Variants in ABI2 observed in about 807,000 individuals in gnomAD.
ABI2 encodes abelson interactor 2.
Under a neutral mutation model 59.2 loss-of-function variants are expected in ABI2, and 25 were observed. That is an observed-to-expected ratio of 0.42 (90% CI 0.31 to 0.59). The LOEUF is 0.59. Among genes scored for constraint, ABI2 ranks in the 20% least tolerant of loss-of-function variants. The pLI, the probability that ABI2 is intolerant of heterozygous loss-of-function variation, is 0.14. For missense variants in ABI2, 545 were observed against 681.8 expected (o/e 0.80, Z 2.23); for synonymous variants, 213 against 235.5 (o/e 0.90, Z 0.87).
At chr2:203,394,650 TG>T (rs1387098488) in intron 5 of ABI2, 49 bp from the exon 6 acceptor site, 2 of 1,560,400 alleles carry the variant, frequency 1.3e-6, no homozygotes, top group African/African-American at 2.7e-5. Context: ...TTGAATTTAT[TG>T]TGCCGAAACT....
intron 1 of ABI2, among the ~76,000 whole-genome samples, chr2:203,336,234 G>A (rs1216902594): frequency 2.0e-5 from 3 of 152,156 alleles, no homozygotes; most frequent in Non-Finnish European, 4.4e-5. Flanking sequence ...TCTAGTTTTA[G>A]GCAGTGGTGA....
At chr2:203,372,502 C>T (rs1331599601) in intron 2 of ABI2, among the ~76,000 whole-genome samples, 28 of 151,450 alleles carry the variant, frequency 1.8e-4, no homozygotes, top group Admixed American at 1.2e-3. Flanking sequence ...CCAGTAGGGG[C>T]GGCCGGGCAG....
At chr2:203,336,627 G>A (rs980363122) in intron 1 of ABI2, among the ~76,000 whole-genome samples, 1 of 152,098 alleles carries the variant, frequency 6.6e-6, no homozygotes, top group African/African-American at 2.4e-5. Flanking sequence ...TGGCTCCTCC[G>A]CAACAGAGTG....
intron 11 of ABI2, among the ~76,000 whole-genome samples, chr2:203,423,521 G>T (rs1580998740): frequency 6.6e-6 from 1 of 152,174 alleles, no homozygotes; most frequent in South Asian, 2.1e-4. Context: ...CGCCTCCCAG[G>T]TTCACGCCAT....
intron 1 of ABI2, among the ~76,000 whole-genome samples, chr2:203,332,679 T>A (rs2074394142): frequency 6.6e-6 from 1 of 152,206 alleles, no homozygotes; most frequent in Non-Finnish European, 1.5e-5. Context: ...TGTCCAGGAA[T>A]TAAAAATGTT....
chr2:203,362,876 G>C (rs1365741918), intron 1 of ABI2, among the ~76,000 whole-genome samples: 1 of 151,654 alleles, frequency 6.6e-6, no homozygotes, highest in Non-Finnish European at 1.5e-5. Flanking sequence ...CTGTTGCCCA[G>C]ACTGGAGTGC....
intron 1 of ABI2, among the ~76,000 whole-genome samples, chr2:203,344,178 C>G (rs1176960906): frequency 6.6e-6 from 1 of 152,138 alleles, no homozygotes; most frequent in Admixed American, 6.5e-5. Flanking sequence ...TGTTTAGAGA[C>G]AGTCTTATTG....
At position 203,390,505 on chromosome 2, in the gene ABI2, A is replaced by T. The variant is rs773756610; in HGVS notation, c.481-541A>T. Among the ~76,000 whole-genome samples the T allele has an allele frequency of 3.9e-5, 6 of 152,060 alleles. No homozygotes were observed. In the East Asian group the frequency reaches 1.2e-3, roughly 29 times the overall value. On this transcript the variant is annotated intron_variant, in intron 4 of 11. Transcript: ENST00000261018. Reference sequence around the variant, plus strand: ...AAATTAGCTGGTCGTGGTGGCATGCACCTGTAGTACCAGCTACTTGGGAGG... The same window carrying T: ...AAATTAGCTGGTCGTGGTGGCATGCTCCTGTAGTACCAGCTACTTGGGAGG...
In ABI2 at chr2:203,411,319, G is replaced by C. The variant is rs939723576; in HGVS notation, c.1227G>C (p.Gln409His). The C allele has an allele frequency of 6.2e-7, 1 of 1,613,586 alleles. No homozygotes were observed. Among genetic ancestry groups the C allele is most frequent in the Non-Finnish European group, 8.5e-7 (1 of 1,179,770 alleles). ...SLAPPPPSILQVTPQLPLMGF... is the reference protein window; with the variant it reads ...SLAPPPPSILHVTPQLPLMGF... ...CTCCTCCTCCTCCCTCCATCCTACA[G>C]GTAACTCCTCAGTTACCTTTAATGG... Residue 409 changes from glutamine to histidine, a missense_variant, in exon 10 of 12, where the codon CAG (glutamine) becomes CAC (histidine). Physicochemically the swap from Gln to His is conservative, Grantham distance 24. Transcript: ENST00000261018.
At chr2:203,390,090 C>T (rs1217768049) in intron 4 of ABI2, among the ~76,000 whole-genome samples, 1 of 152,138 alleles carries the variant, frequency 6.6e-6, no homozygotes, top group African/African-American at 2.4e-5. Context: ...ATACCTCAGC[C>T]CTAACTTTCT....
intron 1 of ABI2, among the ~76,000 whole-genome samples, chr2:203,333,932 C>A (rs1326746818): frequency 6.6e-6 from 1 of 150,816 alleles, no homozygotes; most frequent in African/African-American, 2.4e-5. Flanking sequence ...TTTTTCTTTT[C>A]TTTTTTCTTT....
At chr2:203,400,791 A>C (rs1579449620) in intron 8 of ABI2, among the ~76,000 whole-genome samples, 1 of 152,206 alleles carries the variant, frequency 6.6e-6, no homozygotes, top group Non-Finnish European at 1.5e-5. Flanking sequence ...GACAAGATGA[A>C]AAATTGTCAA....
intron 1 of ABI2, among the ~76,000 whole-genome samples, chr2:203,343,319 G>A (rs950579120): frequency 6.6e-6 from 1 of 152,196 alleles, no homozygotes; most frequent in Admixed American, 6.5e-5. Flanking sequence ...AGCTGAGATT[G>A]CGGCACTGCA....
chr2:203,335,998 C>T (rs2076280232), intron 1 of ABI2, among the ~76,000 whole-genome samples: 1 of 152,060 alleles, frequency 6.6e-6, no homozygotes, highest in African/African-American at 2.4e-5. Context: ...ATTTTCTGTC[C>T]CTCTAGTTTT....
At chr2:203,330,507 T>A (rs2072519348) in intron 1 of ABI2, among the ~76,000 whole-genome samples, 1 of 152,062 alleles carries the variant, frequency 6.6e-6, no homozygotes, top group Non-Finnish European at 1.5e-5. Context: ...GAGAGGCTGA[T>A]CTTGGAGGAA....
At chr2:203,412,039 A>G (rs1327274574) in intron 10 of ABI2, among the ~76,000 whole-genome samples, 1 of 152,222 alleles carries the variant, frequency 6.6e-6, no homozygotes, top group African/African-American at 2.4e-5. Flanking sequence ...CGAGGGCCAC[A>G]TCACAATAAT....
intron 1 of ABI2, among the ~76,000 whole-genome samples, chr2:203,331,661 A>G (rs1263914957): frequency 2.7e-5 from 4 of 148,304 alleles, no homozygotes; most frequent in African/African-American, 9.9e-5. Flanking sequence ...CACCTGGCCA[A>G]TTTAGCCTTA....
chr2:203,390,449 C>T (rs1307174052), intron 4 of ABI2, among the ~76,000 whole-genome samples: 3 of 151,938 alleles, frequency 2.0e-5, no homozygotes, highest in South Asian at 2.1e-4. Flanking sequence ...CTGGGCAACA[C>T]GGTGAAACCC....
chr2:203,362,185 G>GA (rs963983303), intron 1 of ABI2, among the ~76,000 whole-genome samples: 13 of 152,256 alleles, frequency 8.5e-5, no homozygotes, highest in Admixed American at 7.2e-4. Flanking sequence ...CTTTTGTACT[G>GA]AAACAAGTGA....
Sources: gnomAD v4.1 joint callset for allele counts (sites outside exome capture counted in the v4.1 genomes callset) on GRCh38, gnomAD v4.1.1 for gene constraint, MANE v1.5 for transcripts, NCBI Gene and HGNC (gene_info 2026-07-23, HGNC 2026-07-21) for gene names.